CSMD1: variants seen among roughly 807,000 people sequenced by gnomAD.
The protein encoded by CSMD1 is CUB and sushi domain-containing protein 1.
CSMD1 carries 213 observed loss-of-function variants against 417.5 expected under a neutral mutation model. The ratio of observed to expected loss-of-function variants is 0.51; its 90% CI spans 0.46 to 0.57. The LOEUF is 0.57. Among genes scored for constraint, CSMD1 ranks in the 20% least tolerant of loss-of-function variants. CSMD1 has a pLI of 0.00. For synonymous variants in CSMD1, 2,862 were observed against 1,736.8 expected (o/e 1.65, Z -16.11); for missense variants, 6,923 against 4,529.7 (o/e 1.53, Z -15.17).
chr8:4,419,180 G>T (rs905294734), intron 3 of CSMD1, among the ~76,000 whole-genome samples: 2 of 152,108 alleles, frequency 1.3e-5, no homozygotes, highest in Non-Finnish European at 2.9e-5. Flanking sequence ...CCTAACGATA[G>T]ATTGCTTTTT....
intron 2 of CSMD1, among the ~76,000 whole-genome samples, chr8:4,478,884 C>A (rs932386137): frequency 1.3e-5 from 2 of 152,126 alleles, no homozygotes; most frequent in African/African-American, 4.8e-5. Flanking sequence ...ACTTAAAAAG[C>A]AGACAAATGG....
At chr8:3,397,953 A>C (rs1044099031) in intron 16 of CSMD1, among the ~76,000 whole-genome samples, 3 of 152,280 alleles carry the variant, frequency 2.0e-5, no homozygotes, top group Admixed American at 6.5e-5. Flanking sequence ...TTCATCTTTT[A>C]AGAGCTGTGT....
intron 5 of CSMD1, among the ~76,000 whole-genome samples, chr8:3,956,319 T>C (rs544797216): frequency 6.6e-6 from 1 of 152,192 alleles, no homozygotes; most frequent in African/African-American, 2.4e-5. Context: ...CATCTCAAGA[T>C]GGGGAAACTG....
intron 3 of CSMD1, among the ~76,000 whole-genome samples, chr8:4,206,092 A>T (rs1047877140): frequency 6.6e-6 from 1 of 152,192 alleles, no homozygotes; most frequent in African/African-American, 2.4e-5. Flanking sequence ...GAAAGTGAGT[A>T]AATAGGATAA....
At chr8:4,432,014 A>T (rs1307994160) in intron 2 of CSMD1, among the ~76,000 whole-genome samples, 2 of 152,156 alleles carry the variant, frequency 1.3e-5, no homozygotes, top group African/African-American at 2.4e-5. Flanking sequence ...ATGTATTCTC[A>T]AAAGGCCTGC....
intron 3 of CSMD1, among the ~76,000 whole-genome samples, chr8:4,351,855 GT>G (rs1433438202): frequency 6.6e-6 from 1 of 151,942 alleles, no homozygotes; most frequent in Non-Finnish European, 1.5e-5. Context: ...CAGGACCCTG[GT>G]CATTATATAC....
At chr8:3,782,939 G>A (rs181332319) in intron 5 of CSMD1, among the ~76,000 whole-genome samples, 43 of 152,306 alleles carry the variant, frequency 2.8e-4, no homozygotes, top group Admixed American at 7.8e-4. Context: ...CATGGCAAGA[G>A]ATCTAGCCTC....
intron 49 of CSMD1, among the ~76,000 whole-genome samples, chr8:3,078,502 C>G (rs1207029903): frequency 6.6e-6 from 1 of 152,208 alleles, no homozygotes; most frequent in African/African-American, 2.4e-5. Flanking sequence ...GCGTTGGACT[C>G]TGCGTTTCAG....
intron 57 of CSMD1, among the ~76,000 whole-genome samples, chr8:2,972,401 A>C (rs1172235221): frequency 6.6e-6 from 1 of 152,178 alleles, no homozygotes; most frequent in Non-Finnish European, 1.5e-5. Flanking sequence ...TTAATTGAGG[A>C]GTTTGCTTGT....
intron 5 of CSMD1, among the ~76,000 whole-genome samples, chr8:3,809,562 G>T (rs1016431034): frequency 1.2e-4 from 19 of 152,116 alleles, no homozygotes; most frequent in African/African-American, 4.6e-4. Flanking sequence ...CGGATTCACT[G>T]GGAGAGCTTG....
chr8:4,914,513 G>C (rs1805920614), intron 1 of CSMD1, among the ~76,000 whole-genome samples: 1 of 150,894 alleles, frequency 6.6e-6, no homozygotes, highest in African/African-American at 2.4e-5. Context: ...GGGATGCGGA[G>C]TTTGCAGTGA....
rs1473797224 is a variant in CSMD1, at chr8:4,525,934, C to T, written c.303-105869G>A. 2.0e-5 allele frequency among the ~76,000 whole-genome samples: 3 copies of T among 152,134 alleles called. No individual in the cohort carries two copies. The East Asian group carries it at 5.8e-4, about 29-fold the overall frequency. ...CTTAGTAACCACCTGAGACCAGGGGCAGAATATCCATGATAGATCTGGGTC... is the reference window on the plus strand; with the variant it reads ...CTTAGTAACCACCTGAGACCAGGGGTAGAATATCCATGATAGATCTGGGTC... On this transcript the variant is annotated intron_variant, in intron 2 of 69. Transcript: ENST00000635120.
At chr8:4,271,660 A>G (rs1412762160) in intron 3 of CSMD1, among the ~76,000 whole-genome samples, 2 of 152,196 alleles carry the variant, frequency 1.3e-5, no homozygotes, top group African/African-American at 4.8e-5. Context: ...AAATGGTAAA[A>G]TACATCCACT....
At chr8:4,718,855 A>T (rs991640558) in intron 1 of CSMD1, among the ~76,000 whole-genome samples, 6 of 152,260 alleles carry the variant, frequency 3.9e-5, no homozygotes, top group African/African-American at 1.4e-4. Flanking sequence ...CTCCCTAAAA[A>T]GTACCAAAAT....
At chr8:2,987,282 A>G (rs1311467973) in intron 54 of CSMD1, among the ~76,000 whole-genome samples, 2 of 151,740 alleles carry the variant, frequency 1.3e-5, no homozygotes, top group Non-Finnish European at 2.9e-5. Context: ...ATTCTTCATG[A>G]TATATGATTA....
chr8:4,409,280 G>C (rs909721394), intron 3 of CSMD1, among the ~76,000 whole-genome samples: 3 of 151,886 alleles, frequency 2.0e-5, no homozygotes, highest in African/African-American at 4.8e-5. Flanking sequence ...CAGTGTTCTC[G>C]GCTTTGTGTT....
At chr8:4,928,930 G>A (rs1057452999) in intron 1 of CSMD1, among the ~76,000 whole-genome samples, 3 of 152,038 alleles carry the variant, frequency 2.0e-5, no homozygotes, top group East Asian at 1.9e-4. Flanking sequence ...ATTTAGCCAG[G>A]CAGGTTGGTA....
intron 3 of CSMD1, among the ~76,000 whole-genome samples, chr8:4,037,477 C>G (rs900941448): frequency 2.0e-5 from 3 of 152,166 alleles, no homozygotes; most frequent in African/African-American, 7.2e-5. Flanking sequence ...TTTGTCTTCT[C>G]TACAGATTTT....
chr8:3,799,709 A>T (rs935579475), intron 5 of CSMD1, among the ~76,000 whole-genome samples: 1 of 151,814 alleles, frequency 6.6e-6, no homozygotes, highest in East Asian at 1.9e-4. Context: ...CTGCCAGCTG[A>T]ACGTTTGACA....
Sources: allele counts gnomAD v4.1 joint callset (sites outside exome capture counted in the v4.1 genomes callset), GRCh38; gene constraint gnomAD v4.1.1; transcripts MANE v1.5; gene names NCBI Gene and HGNC (gene_info 2026-07-23, HGNC 2026-07-21).